Variants in HIF1A observed in about 807,000 individuals in gnomAD.
HIF1A encodes the protein hypoxia-inducible factor 1-alpha.
Under a neutral mutation model 92.7 loss-of-function variants are expected in HIF1A, and 24 were observed. The observed-to-expected ratio is 0.26, with a 90% confidence interval of 0.19 to 0.36. The LOEUF (loss-of-function observed/expected upper bound fraction) is 0.36. Ranked by LOEUF, HIF1A falls within the 10% of genes least tolerant of loss-of-function variation. The probability of loss-of-function intolerance (pLI) is 1.00; values close to 1 mark genes in which losing one functional copy is unlikely to be tolerated. For synonymous variants in HIF1A, 319 were observed against 338.7 expected, an observed-to-expected ratio of 0.94 and a Z score of 0.64; for missense variants, 799 against 998.5, an observed-to-expected ratio of 0.80 and a Z score of 2.69.
chr14:61,704,390 G>C (rs1418930616), intron 1 of HIF1A, among the ~76,000 whole-genome samples: 2 of 151,952 alleles, frequency 1.3e-5, no homozygotes, highest in Non-Finnish European at 2.9e-5. Flanking sequence ...TTTATGTATA[G>C]ACATGTTATT....
At chr14:61,697,154 TC>T (rs1256982358) in intron 1 of HIF1A, among the ~76,000 whole-genome samples, 1 of 152,236 alleles carries the variant, frequency 6.6e-6, no homozygotes, top group Non-Finnish European at 1.5e-5. Flanking sequence ...TTGTTTATAT[TC>T]CTGCTGTTTT....
intron 8 of HIF1A, among the ~76,000 whole-genome samples, chr14:61,735,388 C>G (rs1442904188): frequency 6.6e-6 from 1 of 152,178 alleles, no homozygotes; most frequent in Non-Finnish European, 1.5e-5. Flanking sequence ...TCTTTTGTGA[C>G]TTTACCATTA....
At position 61,695,733 on chromosome 14, in the gene HIF1A, GGGA is replaced by G. The variant is rs1308694063; in HGVS notation, c.-70_-68del. ...TTTCCTTCTCTTCTCCGCGTGTGGA[GGGA>G]GCCAGCGCTTAGGCCGGAGCGAGCC... On this transcript the variant is annotated 5_prime_UTR_variant, in exon 1 of 15. Coordinates refer to ENST00000337138, the MANE Select transcript of HIF1A (RefSeq NM_001530.4). 13 of 1,507,540 alleles carry G rather than the reference GGGA, an allele frequency of 8.6e-6. No homozygotes were observed. The African/African-American group carries it at 1.8e-4, about 21-fold the overall frequency. 93.4% of individuals were successfully genotyped at this position (1,507,540 alleles called of 1,614,324 possible).
At chr14:61,702,911 C>T (rs536407466) in intron 1 of HIF1A, among the ~76,000 whole-genome samples, 19 of 152,244 alleles carry the variant, frequency 1.2e-4, no homozygotes, top group African/African-American at 4.3e-4. Context: ...AAATTTACAT[C>T]TACATTTTTT....
chr14:61,722,610 G>A (rs898133350), intron 4 of HIF1A, among the ~76,000 whole-genome samples: 54 of 152,286 alleles, frequency 3.5e-4, no homozygotes, highest in Non-Finnish European at 5.7e-4. Context: ...ACTTTAGACA[G>A]TCATTAAAGT....
At chr14:61,709,191 C>G (rs2044279272) in intron 1 of HIF1A, among the ~76,000 whole-genome samples, 1 of 152,196 alleles carries the variant, frequency 6.6e-6, no homozygotes, top group African/African-American at 2.4e-5. Flanking sequence ...GCCACTGCAC[C>G]TGGCACAATA....
intron 1 of HIF1A, among the ~76,000 whole-genome samples, chr14:61,711,047 CAAAAAAAA>C (rs60358775): frequency 8.8e-6 from 1 of 113,492 alleles, no homozygotes; most frequent in Non-Finnish European, 1.9e-5. Context: ...GACTCTGTCT[CAAAAAAAA>C]AAAAAAAAAA....
rs1310990396 is a variant in HIF1A at position 61,728,451 on chromosome 14, G to A, written c.773+796G>A. ...TTCTATCTGGATATTCTTCTGTATT[G>A]TAAACTAAGTATTACTGTAACAACT... On this transcript the variant is annotated intron_variant, in intron 6 of 14. Transcript: ENST00000337138. 2.0e-5 allele frequency among the ~76,000 whole-genome samples: 3 copies of A among 152,064 alleles called. No individual in the cohort carries two copies. In the South Asian group the frequency reaches 6.2e-4, roughly 31 times the overall value.
intron 4 of HIF1A, among the ~76,000 whole-genome samples, chr14:61,724,966 T>A (rs2044485125): frequency 6.6e-6 from 1 of 152,218 alleles, no homozygotes; most frequent in Non-Finnish European, 1.5e-5. Flanking sequence ...TAGCTTTGCC[T>A]TACTACTCTT....
At chr14:61,719,223 A>T (rs1263184545) in intron 1 of HIF1A, among the ~76,000 whole-genome samples, 2 of 152,194 alleles carry the variant, frequency 1.3e-5, no homozygotes, top group African/African-American at 4.8e-5. Context: ...ATGCTCACTA[A>T]ATCATAATAG....
At chr14:61,696,639 A>G (rs2044120297) in intron 1 of HIF1A, among the ~76,000 whole-genome samples, 1 of 152,310 alleles carries the variant, frequency 6.6e-6, no homozygotes, top group African/African-American at 2.4e-5. Flanking sequence ...CGCAGATATT[A>G]TAAATGAATA....
intron 1 of HIF1A, among the ~76,000 whole-genome samples, chr14:61,719,509 T>C (rs924595172): frequency 6.6e-6 from 1 of 152,362 alleles, no homozygotes; most frequent in African/African-American, 2.4e-5. Context: ...CAGGGTAATG[T>C]TGGCACATGG....
intron 1 of HIF1A, among the ~76,000 whole-genome samples, chr14:61,702,483 GT>G (rs1445996278): frequency 1.0e-5 from 1 of 99,730 alleles, no homozygotes; most frequent in African/African-American, 2.6e-5. Context: ...TAATTCTTTA[GT>G]TCCCTGTCTG....
At chr14:61,731,241 G>A (rs978115549) in intron 6 of HIF1A, among the ~76,000 whole-genome samples, 1 of 151,962 alleles carries the variant, frequency 6.6e-6, no homozygotes, top group African/African-American at 2.4e-5. Context: ...GAAATCTAAA[G>A]GCTGAGAATC....
chr14:61,712,193 G>C (rs532773382), intron 1 of HIF1A, among the ~76,000 whole-genome samples: 1 of 152,306 alleles, frequency 6.6e-6, no homozygotes, highest in South Asian at 2.1e-4. Flanking sequence ...CTTGAAAAAG[G>C]TGGAGAAGCA....
At chr14:61,696,583 G>C (rs975092046) in intron 1 of HIF1A, among the ~76,000 whole-genome samples, 8 of 152,184 alleles carry the variant, frequency 5.3e-5, no homozygotes, top group African/African-American at 1.9e-4. Context: ...ATTTTAAAGA[G>C]AACTTCAGAA....
chr14:61,721,775 C>A lies in HIF1A; in HGVS notation c.409C>A (p.His137Asn). The A allele has an allele frequency of 6.2e-7, 1 of 1,613,432 alleles. No homozygotes were observed. Among genetic ancestry groups the A allele is most frequent in the Non-Finnish European group, 8.5e-7 (1 of 1,179,562 alleles). ...TGGACACAGTGTGTTTGATTTTACT[C>A]ATCCATGTGACCATGAGGAAATGAG... is the stretch of plus-strand genomic sequence containing the variant. Reference protein sequence around the residue: ...LTGHSVFDFTHPCDHEEMREM... With the variant: ...LTGHSVFDFTNPCDHEEMREM... Residue 137 changes from histidine (H) to asparagine (N), a missense_variant, in exon 4 of 15, where the codon CAT becomes AAT. By Grantham distance (68) the His-to-Asn change is moderately conservative. Around this residue, in one of 2 missense-constraint regions of HIF1A, gnomAD observed 516 missense variants for 721.0 expected, o/e 0.72. Coordinates refer to ENST00000337138, the MANE Select transcript of HIF1A (RefSeq NM_001530.4).
intron 5 of HIF1A, 113 bp from the exon 6 acceptor site, chr14:61,727,340 C>G: frequency 1.4e-6 from 1 of 738,784 alleles, no homozygotes; most frequent in South Asian, 1.6e-5. Context: ...CCACTAGTGA[C>G]AGTAAATTTT....
At chr14:61,718,152 A>G (rs2044384549) in intron 1 of HIF1A, among the ~76,000 whole-genome samples, 1 of 152,040 alleles carries the variant, frequency 6.6e-6, no homozygotes, top group Admixed American at 6.6e-5. Context: ...TAAGTTGCTT[A>G]TAAAATTCTG....
Sources: gnomAD v4.1 joint callset for allele counts (sites outside exome capture counted in the v4.1 genomes callset) on GRCh38, gnomAD v4.1.1 for gene constraint, gnomAD v4.1.1 regional missense constraint, MANE v1.5 for transcripts, NCBI Gene and HGNC (gene_info 2026-07-23, HGNC 2026-07-21) for gene names.